The following IFT52 variants were observed in gnomAD, a reference collection of about 807,000 sequenced individuals.
IFT52 encodes the protein intraflagellar transport 52, also known as intraflagellar transport protein 52 homolog.
IFT52 carries 44 observed loss-of-function variants against 54.4 expected under a neutral mutation model. The observed-to-expected ratio is 0.81, with a 90% CI of 0.63 to 1.04. IFT52 has a LOEUF of 1.04. Among genes scored for constraint, IFT52 ranks in the 50% least tolerant of loss-of-function variants. The probability of loss-of-function intolerance (pLI) is 0.00; values close to 1 mark genes in which losing one functional copy is unlikely to be tolerated. For missense variants in IFT52, 452 were observed against 523.6 expected (o/e 0.86, Z 1.33); for synonymous variants, 181 against 185.3 (o/e 0.98, Z 0.19).
intron 1 of IFT52, among the ~76,000 whole-genome samples, chr20:43,593,686 C>T (rs1981706566): frequency 6.6e-6 from 1 of 152,174 alleles, no homozygotes; most frequent in Admixed American, 6.6e-5. Flanking sequence ...CCTTTCACCT[C>T]AGCCTCCCGA....
intron 13 of IFT52, 120 bp downstream of exon 13, chr20:43,642,744 C>A: frequency 1.1e-6 from 1 of 930,690 alleles, no homozygotes; most frequent in Non-Finnish European, 1.6e-6. Context: ...TAAGCATCTA[C>A]TAGGTGAACA....
intron 10 of IFT52, among the ~76,000 whole-genome samples, chr20:43,635,170 A>C (rs6031004): frequency 0.76 from 113,515 of 148,546 alleles, 43,615 homozygotes; most frequent in East Asian, 0.79. Flanking sequence ...TCTGTCTCCA[A>C]AAAAAAGAGA....
intron 7 of IFT52, 60 bp from the exon 8 acceptor site, chr20:43,618,880 C>T (rs1445668127): frequency 4.7e-6 from 5 of 1,062,404 alleles, no homozygotes; most frequent in Non-Finnish European, 7.3e-6. Context: ...TGTCTGGGTA[C>T]TAGGATACAT....
chr20:43,606,237 A>G (rs1049890379), intron 6 of IFT52, among the ~76,000 whole-genome samples: 1 of 146,624 alleles, frequency 6.8e-6, no homozygotes, highest in Non-Finnish European at 1.5e-5. Context: ...AAAAAATTAT[A>G]TTTGTCATTA....
intron 5 of IFT52, among the ~76,000 whole-genome samples, 190 bp downstream of exon 5, chr20:43,604,448 C>A (rs368161915): frequency 2.0e-5 from 3 of 152,078 alleles, no homozygotes; most frequent in Non-Finnish European, 2.9e-5. Flanking sequence ...TTGTAGCAGG[C>A]GCCTGTAATC....
intron 12 of IFT52, among the ~76,000 whole-genome samples, chr20:43,640,342 C>T (rs184095273): frequency 6.6e-6 from 1 of 152,074 alleles, no homozygotes; most frequent in East Asian, 1.9e-4. Flanking sequence ...TGCCTGTAAT[C>T]CCAGCTGCTT....
intron 8 of IFT52, among the ~76,000 whole-genome samples, chr20:43,620,296 G>T (rs1453213203): frequency 1.3e-5 from 2 of 152,220 alleles, no homozygotes; most frequent in South Asian, 2.1e-4. Context: ...GTGAACAAAG[G>T]TTAATAAATT....
chr20:43,602,599 C>T (rs56312328), intron 3 of IFT52, among the ~76,000 whole-genome samples: 1 of 152,156 alleles, frequency 6.6e-6, no homozygotes, highest in Non-Finnish European at 1.5e-5. Flanking sequence ...ACCTCCACCA[C>T]CTGGGTTCAA....
At chr20:43,605,151 G>C (rs1359089278) in intron 6 of IFT52, 78 bp downstream of exon 6, 1 of 1,566,656 alleles carries the variant, frequency 6.4e-7, no homozygotes, top group East Asian at 2.3e-5. Context: ...AAGAGCTTTT[G>C]TTTCTGGTTA....
At chr20:43,620,208 T>A (rs6073154) in intron 8 of IFT52, among the ~76,000 whole-genome samples, 116,573 of 151,808 alleles carry the variant, frequency 0.77, 44,989 homozygotes, top group East Asian at 0.8. Flanking sequence ...GAGCCACCAC[T>A]CCCGGCCTAG....
chr20:43,598,643 C>T (rs921254780), intron 3 of IFT52, among the ~76,000 whole-genome samples: 4 of 152,028 alleles, frequency 2.6e-5, no homozygotes, highest in Non-Finnish European at 5.9e-5. Flanking sequence ...TGCAGTGAGC[C>T]GAGATTGCGC....
intron 13 of IFT52, among the ~76,000 whole-genome samples, chr20:43,646,475 C>CA (rs948239122): frequency 2.6e-5 from 4 of 152,104 alleles, no homozygotes; most frequent in African/African-American, 9.7e-5. Flanking sequence ...CTGTGCCTCT[C>CA]AGAGCTCTGT....
chr20:43,605,306 G>A (rs1269126065), intron 6 of IFT52: 2 of 1,123,614 alleles, frequency 1.8e-6, no homozygotes, highest in Admixed American at 4.3e-5. Context: ...AGCACTTTTG[G>A]GAGGCCGAGG....
intron 3 of IFT52, among the ~76,000 whole-genome samples, chr20:43,599,344 T>C (rs1982246238): frequency 6.6e-6 from 1 of 152,104 alleles, no homozygotes; most frequent in Admixed American, 6.6e-5. Context: ...TTTTCCCAAG[T>C]GGAGATGGGT....
chr20:43,625,356 A>G (rs948879026), intron 10 of IFT52, among the ~76,000 whole-genome samples: 2 of 152,170 alleles, frequency 1.3e-5, no homozygotes, highest in African/African-American at 4.8e-5. Flanking sequence ...TAAAAATACA[A>G]AAATTAGCTG....
intron 3 of IFT52, among the ~76,000 whole-genome samples, chr20:43,597,548 G>A (rs1982075784): frequency 1.3e-5 from 2 of 152,174 alleles, no homozygotes; most frequent in Admixed American, 1.3e-4. Flanking sequence ...GTAAAATGAT[G>A]CAGTCACCAT....
rs761234165 is a variant in IFT52 at position 43,637,219 on chromosome 20, T to A, written c.1086T>A (p.Ser362=). ...TTGATTTAGATGAAACGTTCTCCTC[T>A]GAGAAGGCACGGCTGGCTCAGATTA... is the stretch of plus-strand genomic sequence containing the variant. ...ELFDLDETFS[S]EKARLAQITN... Residue 362 remains serine (S), a synonymous_variant, in exon 12 of 14, where the codon TCT becomes TCA. Coordinates refer to ENST00000373030, the MANE Select transcript of IFT52 (RefSeq NM_016004.5). 4 of 1,594,814 alleles carry A rather than the reference T, an allele frequency of 2.5e-6. No homozygotes were observed. In the South Asian group the frequency reaches 4.6e-5, roughly 18 times the overall value.
chr20:43,596,287 TTG>T, intron 2 of IFT52, 146 bp from the exon 3 acceptor site: 4 of 566,504 alleles, frequency 7.1e-6, no homozygotes, highest in Non-Finnish European at 1.3e-5. Flanking sequence ...AATTCTCACT[TTG>T]GGAGAGAGAC....
chr20:43,613,073 A>T (rs1232714499), intron 6 of IFT52, among the ~76,000 whole-genome samples: 2 of 152,230 alleles, frequency 1.3e-5, no homozygotes, highest in Non-Finnish European at 2.9e-5. Context: ...AGTCTTTGTT[A>T]GGACAGTGGA....
Sources: gnomAD v4.1 joint callset for allele counts (sites outside exome capture counted in the v4.1 genomes callset) on GRCh38, gnomAD v4.1.1 for gene constraint, MANE v1.5 for transcripts, NCBI Gene and HGNC (gene_info 2026-07-23, HGNC 2026-07-21) for gene names.